WHR1: variants seen among roughly 807,000 people sequenced by gnomAD.
The protein encoded by WHR1 is MHC class III HLA-RP1.
At chr6:31,972,601 G>A in the WHR1 span, 5 of 1,600,520 alleles carry the variant, frequency 3.1e-6, no homozygotes, top group Non-Finnish European at 4.3e-6. This position sits in a 1 kb window ranked among gnomAD's most constrained non-coding sequence, Gnocchi z 6.3. Flanking sequence ...CCCTGTCCGT[G>A]AGCCGATTTA....
At chr6:31,974,127 T>C in the WHR1 span, among the ~76,000 whole-genome samples, 1 of 151,536 alleles carries the variant, frequency 6.6e-6, no homozygotes, top group African/African-American at 2.4e-5. Context: ...CTACAAAAAA[T>C]ACAAAAATTA....
At chr6:31,975,301 A>G in the WHR1 span, among the ~76,000 whole-genome samples, 6 of 150,840 alleles carry the variant, frequency 4.0e-5, no homozygotes, top group South Asian at 4.2e-4. Flanking sequence ...TCCTGGGTTC[A>G]AGCAATTCTC....
chr6:31,977,282 C>T, the WHR1 span, among the ~76,000 whole-genome samples: 1 of 151,778 alleles, frequency 6.6e-6, no homozygotes, highest in Non-Finnish European at 1.5e-5. Context: ...AGTGATTCTC[C>T]TGCCTCAGCC....
chr6:31,976,909 C>T, the WHR1 span, among the ~76,000 whole-genome samples: 2 of 152,348 alleles, frequency 1.3e-5, no homozygotes, highest in Non-Finnish European at 2.9e-5. Flanking sequence ...TCAGGCGTGG[C>T]GGCGCGCGCC....
chr6:31,971,375 C>A, the WHR1 span: 1 of 1,574,852 alleles, frequency 6.3e-7, no homozygotes, highest in Non-Finnish European at 8.6e-7. The surrounding 1 kb of genome is among the most constrained non-coding windows in gnomAD (Gnocchi z 4.5). Flanking sequence ...TCCAGCCTTT[C>A]CTGGACCTCC....
the WHR1 span, chr6:31,979,850 AAG>A: frequency 9.6e-6 from 3 of 311,626 alleles, no homozygotes; most frequent in African/African-American, 6.3e-5. Context: ...TACTGGGACT[AAG>A]AGGATAGAGA....
chr6:31,972,294 T>G, the WHR1 span: 21 of 1,613,010 alleles, frequency 1.3e-5, no homozygotes, highest in Non-Finnish European at 1.7e-5. The surrounding 1 kb of genome is among the most constrained non-coding windows in gnomAD (Gnocchi z 6.3). Flanking sequence ...CGTCATCACC[T>G]GGTCTAGGAG....
the WHR1 span, chr6:31,978,983 G>A: frequency 1.4e-5 from 23 of 1,612,374 alleles, no homozygotes; most frequent in Non-Finnish European, 1.7e-5. Flanking sequence ...TCTTCACTGA[G>A]GACTACAGGA....
chr6:31,976,709 T>TTGTA, the WHR1 span, among the ~76,000 whole-genome samples: 7 of 151,884 alleles, frequency 4.6e-5, no homozygotes, highest in African/African-American at 1.7e-4. Flanking sequence ...GAGGTGGAGG[T>TTGTA]TGTAGCAAGC....
At chr6:31,972,949 TAGA>T in the WHR1 span, 29 of 999,016 alleles carry the variant, frequency 2.9e-5, no homozygotes, top group East Asian at 7.8e-5. The surrounding 1 kb of genome is among the most constrained non-coding windows in gnomAD (Gnocchi z 6.3). Context: ...ATCATGGAGG[TAGA>T]AGAACGAGGC....
the WHR1 span, chr6:31,980,616 A>T: frequency 6.3e-7 from 1 of 1,590,546 alleles, no homozygotes. Flanking sequence ...TCTAGGCCTT[A>T]TTCACCTTTC....
At chr6:31,979,526 C>T in the WHR1 span, 3 of 1,612,954 alleles carry the variant, frequency 1.9e-6, no homozygotes, top group Non-Finnish European at 2.5e-6. Context: ...ATGACACAGA[C>T]CTTTGGCTTC....
At chr6:31,976,165 C>T in the WHR1 span, among the ~76,000 whole-genome samples, 10 of 140,684 alleles carry the variant, frequency 7.1e-5, no homozygotes, top group Non-Finnish European at 1.1e-4. Context: ...CCGGACAGGG[C>T]GGCTGGCCGG....
At chr6:31,972,260 G>A in the WHR1 span, 2 of 1,613,122 alleles carry the variant, frequency 1.2e-6, no homozygotes, top group African/African-American at 1.3e-5. The surrounding 1 kb of genome is among the most constrained non-coding windows in gnomAD (Gnocchi z 6.3). Context: ...ACGGGCCTGA[G>A]GGACGACAAG....
the WHR1 span, chr6:31,980,293 T>C: frequency 1.1e-4 from 68 of 630,588 alleles, no homozygotes; most frequent in Non-Finnish European, 1.2e-4. Flanking sequence ...AGGCAGTTGG[T>C]GCGAGCACAG....
At chr6:31,975,066 A>G in the WHR1 span, among the ~76,000 whole-genome samples, 1 of 152,210 alleles carries the variant, frequency 6.6e-6, no homozygotes, top group Non-Finnish European at 1.5e-5. Flanking sequence ...TAAAGCAGAT[A>G]CCTATCTAGC....
the WHR1 span, chr6:31,973,287 TAGG>T: frequency 3.5e-6 from 1 of 282,440 alleles, no homozygotes; most frequent in African/African-American, 2.2e-5. Flanking sequence ...CTGGTGGTAT[TAGG>T]AGCACATTTA....
chr6:31,975,280 C>A, the WHR1 span, among the ~76,000 whole-genome samples: 24 of 150,876 alleles, frequency 1.6e-4, no homozygotes, highest in African/African-American at 5.6e-4. Flanking sequence ...CAACTCACTG[C>A]AACCTCTGCC....
At chr6:31,973,178 G>C in the WHR1 span, 1 of 397,510 alleles carries the variant, frequency 2.5e-6, no homozygotes, top group South Asian at 2.0e-5. Context: ...TCTGAGAAGT[G>C]GTGAAGGCCT....
Sources: gnomAD v4.1 joint callset for allele counts (sites outside exome capture counted in the v4.1 genomes callset) on GRCh38, gnomAD v4.1.1 for gene constraint, Gnocchi (gnomAD v3.1) non-coding constraint, MANE v1.5 for transcripts, NCBI Gene and HGNC (gene_info 2026-07-23, HGNC 2026-07-21) for gene names.